Variants in UNC5C observed in about 807,000 individuals in gnomAD.
UNC5C encodes unc-5 netrin receptor C.
Under a neutral mutation model 99.8 loss-of-function variants are expected in UNC5C, and 47 were observed. That is an observed-to-expected ratio of 0.47 (90% confidence interval 0.37 to 0.60). The LOEUF (loss-of-function observed/expected upper bound fraction) is 0.60, where lower values mean the gene tolerates loss of function less well. Ranked by LOEUF, UNC5C falls within the 20% of genes least tolerant of loss-of-function variation. The pLI, the probability that UNC5C is intolerant of heterozygous loss-of-function variation, is 0.00. For synonymous variants in UNC5C, 487 were observed against 452.2 expected (o/e 1.08, Z -0.98); for missense variants, 1,062 against 1,165.9 (o/e 0.91, Z 1.30).
At chr4:95,386,379 C>A (rs1745212430) in intron 1 of UNC5C, among the ~76,000 whole-genome samples, 1 of 152,128 alleles carries the variant, frequency 6.6e-6, no homozygotes, top group Non-Finnish European at 1.5e-5. Context: ...TCCCCCTACC[C>A]CACAACAACT....
At chr4:95,362,432 C>T (rs887210597) in intron 1 of UNC5C, among the ~76,000 whole-genome samples, 25 of 151,994 alleles carry the variant, frequency 1.6e-4, no homozygotes, top group Non-Finnish European at 3.4e-4. Context: ...ATGGAAACAG[C>T]GAGGTTGCAT....
chr4:95,198,788 A>G (rs1384271474), intron 12 of UNC5C, among the ~76,000 whole-genome samples: 1 of 152,202 alleles, frequency 6.6e-6, no homozygotes, highest in Non-Finnish European at 1.5e-5. Flanking sequence ...GTTACCAGGA[A>G]GATCCACTGG....
At chr4:95,255,167 A>G (rs149270201) in intron 4 of UNC5C, among the ~76,000 whole-genome samples, 1,871 of 151,970 alleles carry the variant, frequency 0.012, 14 homozygotes, top group Non-Finnish European at 0.017. Context: ...TTTAGTAGAA[A>G]TAGGGTTTCA....
chr4:95,456,328 C>T (rs1382515103), intron 1 of UNC5C, among the ~76,000 whole-genome samples: 1 of 152,084 alleles, frequency 6.6e-6, no homozygotes, highest in Non-Finnish European at 1.5e-5. Flanking sequence ...GCTATTAAGA[C>T]TGCAGGAAAG....
chr4:95,188,564 G>T (rs1736928977), intron 12 of UNC5C, among the ~76,000 whole-genome samples: 2 of 152,198 alleles, frequency 1.3e-5, no homozygotes, highest in Admixed American at 1.3e-4. Flanking sequence ...TACAATTTGA[G>T]ATTTACTCCA....
intron 2 of UNC5C, among the ~76,000 whole-genome samples, chr4:95,306,296 G>A (rs536022960): frequency 2.2e-4 from 33 of 152,076 alleles, no homozygotes; most frequent in Non-Finnish European, 4.0e-4. Context: ...TCTGCCTCCC[G>A]GGTTCACACC....
intron 1 of UNC5C, among the ~76,000 whole-genome samples, chr4:95,393,515 A>G (rs886565403): frequency 1.1e-4 from 17 of 152,334 alleles, no homozygotes; most frequent in African/African-American, 4.1e-4. Context: ...TTTCTAAGTT[A>G]GAGTAATTCC....
intron 10 of UNC5C, among the ~76,000 whole-genome samples, chr4:95,207,625 C>A (rs765074214): frequency 6.6e-6 from 1 of 152,128 alleles, no homozygotes; most frequent in East Asian, 1.9e-4. Context: ...AAATAAATGC[C>A]CTCTCAACGA....
At chr4:95,391,147 T>G (rs1745348558) in intron 1 of UNC5C, among the ~76,000 whole-genome samples, 1 of 152,218 alleles carries the variant, frequency 6.6e-6, no homozygotes, top group Non-Finnish European at 1.5e-5. Flanking sequence ...GCCATGATTG[T>G]GAGGCCTCCC....
chr4:95,469,558 C>T (rs932854120), intron 1 of UNC5C, among the ~76,000 whole-genome samples: 25 of 142,254 alleles, frequency 1.8e-4, no homozygotes, highest in East Asian at 1.6e-3. Flanking sequence ...ACTGCAGTGA[C>T]GGTTTCACAT....
rs562851196 is a variant in UNC5C at position 95,516,548 on chromosome 4, G to C, written c.124+32186C>G. Among the ~76,000 whole-genome samples, 3 of 152,296 alleles carry C rather than the reference G, an allele frequency of 2.0e-5. No homozygotes were observed. In the South Asian group the frequency reaches 6.2e-4, roughly 32 times the overall value. ...GACATTTGATTGGTGTATGGTGAAA[G>C]CTGGGGGCGGAGTGTGTGTAAATGC... On this transcript the variant is annotated intron_variant, in intron 1 of 15. Coordinates refer to ENST00000453304, the MANE Select transcript of UNC5C (RefSeq NM_003728.4).
At chr4:95,423,553 G>A (rs1407647555) in intron 1 of UNC5C, among the ~76,000 whole-genome samples, 2 of 152,148 alleles carry the variant, frequency 1.3e-5, no homozygotes, top group Non-Finnish European at 2.9e-5. Flanking sequence ...AGTTCCCATG[G>A]TATTCTTTAC....
At chr4:95,171,827 A>G (rs1736126219) in intron 14 of UNC5C, among the ~76,000 whole-genome samples, 1 of 151,886 alleles carries the variant, frequency 6.6e-6, no homozygotes, top group Admixed American at 6.6e-5. Context: ...GACTTCCACA[A>G]TGGTTGAACT....
intron 4 of UNC5C, among the ~76,000 whole-genome samples, chr4:95,261,994 G>A (rs959621318): frequency 3.9e-5 from 6 of 152,256 alleles, no homozygotes; most frequent in East Asian, 1.9e-4. Flanking sequence ...TAGCCACTGC[G>A]CCCAGTCTGC....
intron 7 of UNC5C, among the ~76,000 whole-genome samples, chr4:95,224,115 C>A (rs1204492972): frequency 6.6e-6 from 1 of 152,104 alleles, no homozygotes; most frequent in African/African-American, 2.4e-5. Flanking sequence ...AAGCCCATCT[C>A]TACCCAAAAT....
At chr4:95,206,940 A>G (rs1737901976) in intron 10 of UNC5C, 144 bp from the exon 11 acceptor site, 4 of 660,802 alleles carry the variant, frequency 6.1e-6, no homozygotes, top group Non-Finnish European at 9.4e-6. Flanking sequence ...GGGGAGAGGA[A>G]ATAGGTGATA....
chr4:95,425,749 GTTAT>G (rs949878694), intron 1 of UNC5C, among the ~76,000 whole-genome samples: 1 of 152,052 alleles, frequency 6.6e-6, no homozygotes, highest in African/African-American at 2.4e-5. Context: ...TTTCTTAGTA[GTTAT>G]TTAAATACAT....
At chr4:95,463,340 G>A (rs1163631370) in intron 1 of UNC5C, among the ~76,000 whole-genome samples, 2 of 152,146 alleles carry the variant, frequency 1.3e-5, no homozygotes, top group Non-Finnish European at 2.9e-5. Context: ...CGTGGTAAGA[G>A]CAGTCTCAGC....
At chr4:95,526,762 C>T (rs1452249365) in intron 1 of UNC5C, among the ~76,000 whole-genome samples, 1 of 151,810 alleles carries the variant, frequency 6.6e-6, no homozygotes, top group African/African-American at 2.4e-5. Context: ...AAATATGTTT[C>T]ACAATGTGAA....
Sources: allele counts gnomAD v4.1 joint callset (sites outside exome capture counted in the v4.1 genomes callset), GRCh38; gene constraint gnomAD v4.1.1; transcripts MANE v1.5; gene names NCBI Gene and HGNC (gene_info 2026-07-23, HGNC 2026-07-21).